RABGAP1L: variants seen among roughly 807,000 people sequenced by gnomAD.
RABGAP1L encodes the protein RAB GTPase activating protein 1 like, also known as rab GTPase-activating protein 1-like.
A neutral mutation model predicts 137.7 loss-of-function variants in RABGAP1L; 63 were observed. That is an observed-to-expected ratio of 0.46 (90% CI 0.37 to 0.56). The LOEUF (loss-of-function observed/expected upper bound fraction) is 0.56. Ranked by LOEUF, RABGAP1L falls within the 20% of genes least tolerant of loss-of-function variation. The pLI is 0.00. For synonymous variants in RABGAP1L, 431 were observed against 433.7 expected, an observed-to-expected ratio of 0.99 and a Z score of 0.08; for missense variants, 1,095 against 1,244.0, an observed-to-expected ratio of 0.88 and a Z score of 1.80.
At chr1:174,588,654 A>G (rs1172829655) in intron 13 of RABGAP1L, among the ~76,000 whole-genome samples, 1 of 152,048 alleles carries the variant, frequency 6.6e-6, no homozygotes. Context: ...CTCCATCTCC[A>G]TGAATTAATT....
At chr1:174,418,522 A>G (rs1400965420) in intron 13 of RABGAP1L, among the ~76,000 whole-genome samples, 3 of 152,302 alleles carry the variant, frequency 2.0e-5, no homozygotes, top group East Asian at 1.9e-4. Context: ...GAGATAGTCT[A>G]TAAGAATGCC....
intron 17 of RABGAP1L, among the ~76,000 whole-genome samples, chr1:174,708,579 A>C (rs144281327): frequency 6.6e-6 from 1 of 152,152 alleles, no homozygotes; most frequent in Admixed American, 6.5e-5. Context: ...GAAGCTGTAA[A>C]GTACTCTGCC....
At chr1:174,538,114 GC>G (rs1297588004) in intron 13 of RABGAP1L, among the ~76,000 whole-genome samples, 1 of 152,052 alleles carries the variant, frequency 6.6e-6, no homozygotes. Flanking sequence ...CGTCATACGT[GC>G]TGTGGTACAA....
At chr1:174,467,904 A>G (rs1278552184) in intron 13 of RABGAP1L, among the ~76,000 whole-genome samples, 6 of 152,174 alleles carry the variant, frequency 3.9e-5, no homozygotes, top group Admixed American at 1.3e-4. Context: ...TTCTAGAGTC[A>G]GAGAATTGAT....
chr1:174,661,163 CAG>C (rs1676342757), intron 14 of RABGAP1L, among the ~76,000 whole-genome samples: 1 of 152,140 alleles, frequency 6.6e-6, no homozygotes. Flanking sequence ...TTTTAACAAA[CAG>C]TGATTTTAAA....
chr1:174,780,334 A>C (rs541649296), intron 18 of RABGAP1L, among the ~76,000 whole-genome samples: 1 of 152,076 alleles, frequency 6.6e-6, no homozygotes, highest in South Asian at 2.1e-4. Context: ...TGCTCTACCT[A>C]AACTGGAAGT....
chr1:174,297,683 G>A (rs116107992), intron 10 of RABGAP1L, among the ~76,000 whole-genome samples: 2,595 of 152,258 alleles, frequency 0.017, 65 homozygotes, highest in African/African-American at 0.06. Flanking sequence ...CCTATCTAAG[G>A]GTTTCCAGCA....
At chr1:174,893,100 T>C in intron 19 of RABGAP1L, 1 of 353,240 alleles carries the variant, frequency 2.8e-6, no homozygotes, top group Non-Finnish European at 5.8e-6. Flanking sequence ...AAGTGATTGG[T>C]GACAAATTTT....
chr1:174,441,601 G>A (rs1277138935), intron 13 of RABGAP1L, among the ~76,000 whole-genome samples: 1 of 152,062 alleles, frequency 6.6e-6, no homozygotes, highest in African/African-American at 2.4e-5. Context: ...AGGCGTGGTG[G>A]TGCATGCCTG....
chr1:174,886,403 C>T (rs1573665552), intron 19 of RABGAP1L, among the ~76,000 whole-genome samples: 1 of 152,206 alleles, frequency 6.6e-6, no homozygotes, highest in Non-Finnish European at 1.5e-5. Context: ...GGACTTCAAG[C>T]TTATTTACAA....
chr1:174,331,536 C>T (rs768819386), intron 11 of RABGAP1L, among the ~76,000 whole-genome samples: 30 of 152,158 alleles, frequency 2.0e-4, no homozygotes, highest in Admixed American at 1.4e-3. Flanking sequence ...TATGATAAAA[C>T]GCTCAACATC....
chr1:174,736,272 A>G (rs551682203), intron 17 of RABGAP1L, among the ~76,000 whole-genome samples: 1 of 152,354 alleles, frequency 6.6e-6, no homozygotes, highest in African/African-American at 2.4e-5. Flanking sequence ...TGGCCAAAAG[A>G]AAAGGGTAAC....
chr1:174,459,033 A>G (rs1250068797), intron 13 of RABGAP1L, among the ~76,000 whole-genome samples: 2 of 152,156 alleles, frequency 1.3e-5, no homozygotes, highest in Non-Finnish European at 2.9e-5. Flanking sequence ...GCTCTTGGTA[A>G]TATATAAGTT....
chr1:174,930,522 C>T (rs1663618538), intron 19 of RABGAP1L, among the ~76,000 whole-genome samples: 1 of 152,024 alleles, frequency 6.6e-6, no homozygotes, highest in Non-Finnish European at 1.5e-5. Flanking sequence ...TCACTGTGTT[C>T]TCCAGGCTGG....
intron 13 of RABGAP1L, among the ~76,000 whole-genome samples, chr1:174,429,512 C>A (rs1018251471): frequency 1.3e-5 from 2 of 152,010 alleles, no homozygotes; most frequent in African/African-American, 4.8e-5. Context: ...GAGGCTGAGG[C>A]GGGTGGATCA....
chr1:174,838,800 C>G (rs979349647), intron 19 of RABGAP1L, among the ~76,000 whole-genome samples: 1 of 151,140 alleles, frequency 6.6e-6, no homozygotes, highest in African/African-American at 2.4e-5. Context: ...GCCTGTAGTC[C>G]CAGCTACTCG....
intron 19 of RABGAP1L, among the ~76,000 whole-genome samples, chr1:174,819,989 A>G (rs531683394): frequency 8.0e-4 from 122 of 152,238 alleles, no homozygotes; most frequent in African/African-American, 1.7e-3. Flanking sequence ...GAAGTTTTCT[A>G]TTGTTTCTGT....
chr1:174,494,959 G>T (rs929784005), intron 13 of RABGAP1L, among the ~76,000 whole-genome samples: 1 of 152,150 alleles, frequency 6.6e-6, no homozygotes, highest in African/African-American at 2.4e-5. Context: ...CTACAGGGCA[G>T]GGAAGACACC....
At chr1:174,422,966 A>T (rs1651510929) in intron 13 of RABGAP1L, among the ~76,000 whole-genome samples, 1 of 150,826 alleles carries the variant, frequency 6.6e-6, no homozygotes, top group Admixed American at 6.6e-5. Context: ...AAAAAAAAAA[A>T]ATTTTTTTTG....
Sources: allele counts gnomAD v4.1 joint callset (sites outside exome capture counted in the v4.1 genomes callset), GRCh38; gene constraint gnomAD v4.1.1; transcripts MANE v1.5; gene names NCBI Gene and HGNC (gene_info 2026-07-23, HGNC 2026-07-21).